The following ITSN2 variants were observed in gnomAD, a reference collection of about 807,000 sequenced individuals.
The protein encoded by ITSN2 is intersectin 2.
A neutral mutation model predicts 243.7 loss-of-function variants in ITSN2; 156 were observed. That is an observed-to-expected ratio of 0.64 (90% CI 0.56 to 0.73). The LOEUF is 0.73. ITSN2 is among the 30% of genes least tolerant of loss of function. The probability of loss-of-function intolerance (pLI) is 0.00; values close to 1 mark genes in which losing one functional copy is unlikely to be tolerated. For synonymous variants in ITSN2, 703 were observed against 699.9 expected (o/e 1.00, Z -0.07); for missense variants, 1,801 against 1,996.1 (o/e 0.90, Z 1.86).
At chr2:24,324,774 A>G (rs974150065) in intron 2 of ITSN2, among the ~76,000 whole-genome samples, 2 of 141,940 alleles carry the variant, frequency 1.4e-5, no homozygotes, top group African/African-American at 5.3e-5. Context: ...GAATTGCTTG[A>G]GCCTGGAGGT....
chr2:24,274,144 C>T (rs1677726169), intron 18 of ITSN2, among the ~76,000 whole-genome samples: 1 of 152,212 alleles, frequency 6.6e-6, no homozygotes, highest in South Asian at 2.1e-4. Flanking sequence ...TGTGGAACCA[C>T]TGCACAGCTC....
chr2:24,234,762 T>C (rs924967438), intron 29 of ITSN2, among the ~76,000 whole-genome samples: 2 of 152,152 alleles, frequency 1.3e-5, no homozygotes, highest in African/African-American at 2.4e-5. Flanking sequence ...TCATACGTTG[T>C]TGGGAAAATG....
chr2:24,222,272 AAAGC>A (rs1295304520), intron 29 of ITSN2, among the ~76,000 whole-genome samples: 6 of 151,544 alleles, frequency 4.0e-5, no homozygotes, highest in Admixed American at 3.3e-4. Flanking sequence ...AAAAAAAAAA[AAAGC>A]AAAAGCAGTG....
rs752415142 is a variant in ITSN2, at chr2:24,204,332, T to C, written c.4849A>G (p.Asn1617Asp). Reference sequence around the variant, plus strand: ...TTAATAAAGAACTGGCAGTTAAAATTCCACTTGGGATTGAGTGTGTCCTGG... The same window carrying C: ...TTAATAAAGAACTGGCAGTTAAAATCCCACTTGGGATTGAGTGTGTCCTGG... ...TIQDTLNPKW[N>D]FNCQFFIKDL... is the part of the protein sequence containing the mutation. The change falls in exon 39 of 40, where the codon AAT becomes GAT. Residue 1617 changes from asparagine to aspartate, a missense_variant. This residue lies in a region of ITSN2 where 928 missense variants were observed against 1,065.4 expected (regional missense o/e 0.87). Transcript: ENST00000355123. This position sits in a 1 kb window ranked among gnomAD's most constrained non-coding sequence, Gnocchi z 5.1. 1.8e-5 allele frequency: 29 copies of C among 1,614,140 alleles called. No homozygotes were observed. The South Asian group carries it at 3.2e-4, about 18-fold the overall frequency.
Position 24,337,350 on chromosome 2 carries a change from ATATG to A in ITSN2, c.-33-9239_-33-9236del, listed in dbSNP as rs1310871964. On this transcript the variant is annotated intron_variant, in intron 1 of 39. Coordinates refer to ENST00000355123, the MANE Select transcript of ITSN2 (RefSeq NM_006277.3). ...TATATATATATATATATATATATAT[ATATG>A]TAATTTTTTTTTTTAAGACAGAGTC... Among the ~76,000 whole-genome samples, 372 of 120,226 alleles carry A rather than the reference ATATG, an allele frequency of 3.1e-3. 3 individuals are homozygous for A. The highest frequency in any genetic ancestry group is 1.0e-2 in the African/African-American group (318 of 31,810). 78.9% of individuals were successfully genotyped at this position (120,226 alleles called of 152,430 possible).
intron 29 of ITSN2, among the ~76,000 whole-genome samples, chr2:24,228,298 TG>T (rs1671239203): frequency 6.6e-6 from 1 of 152,166 alleles, no homozygotes; most frequent in African/African-American, 2.4e-5. Context: ...AGACAAAGTC[TG>T]AGCGCATTTA....
At chr2:24,322,468 T>A (rs144471834) in intron 2 of ITSN2, among the ~76,000 whole-genome samples, 1 of 152,202 alleles carries the variant, frequency 6.6e-6, no homozygotes, top group African/African-American at 2.4e-5. Context: ...TCCAACAACA[T>A]GTGGAGATAA....
intron 29 of ITSN2, among the ~76,000 whole-genome samples, chr2:24,235,580 AG>A (rs1337471747): frequency 6.6e-6 from 1 of 152,168 alleles, no homozygotes; most frequent in Non-Finnish European, 1.5e-5. Flanking sequence ...TGTCGGGGCA[AG>A]GGACATATGG....
rs1373538436 is a variant in ITSN2 at position 24,295,794 on chromosome 2, T to C, written c.1505A>G (p.His502Arg). The C allele has an allele frequency of 3.9e-6, 6 of 1,540,674 alleles. No homozygotes were observed. Among genetic ancestry groups the C allele is most frequent in the Non-Finnish European group, 5.2e-6 (6 of 1,152,322 alleles). The change falls in exon 14 of 40, where the codon CAT becomes CGT. Residue 502 changes from histidine to arginine, a missense_variant. Physicochemically the swap from His to Arg is conservative, Grantham distance 29. Around this residue, in one of 5 missense-constraint regions of ITSN2, gnomAD observed 787 missense variants for 803.9 expected, o/e 0.98. Transcript: ENST00000355123. ...HLELEALNGK[H>R]QQISGRLQDV... ...CTGAAGTCTGCCTGAGATCTGCTGA[T>C]GTTTGCCATTCTATAGGAAGATCAT...
Position 24,203,783 on chromosome 2 carries a change from T to C in ITSN2, c.4937A>G (p.Asp1646Gly), listed in dbSNP as rs1221345441. ...TGGAATTTCAGTACGACCCAGGAAA[T>C]CTGGTGAATAAACACAGGAGAGTCA... is the stretch of plus-strand genomic sequence containing the variant. ...LFDRDQFSPD[D>G]FLGRTEIPVA... Residue 1646 changes from aspartate (D) to glycine (G), a missense_variant and splice_region_variant, in exon 40 of 40, where the codon GAT becomes GGT. Physicochemically the swap from Asp to Gly is moderately conservative, Grantham distance 94 (BLOSUM62 -1). Coordinates refer to ENST00000355123, the MANE Select transcript of ITSN2 (RefSeq NM_006277.3). The C allele has an allele frequency of 6.2e-7, 1 of 1,612,942 alleles. No individual in the cohort carries two copies. Among genetic ancestry groups the C allele is most frequent in the African/African-American group, 1.3e-5 (1 of 74,888 alleles).
intron 1 of ITSN2, among the ~76,000 whole-genome samples, chr2:24,334,035 G>A (rs774719980): frequency 9.9e-5 from 15 of 151,778 alleles, no homozygotes; most frequent in Non-Finnish European, 2.1e-4. Flanking sequence ...GACTACAAGC[G>A]CACGCCACCA....
At chr2:24,267,046 C>T (rs1479267079) in intron 20 of ITSN2, among the ~76,000 whole-genome samples, 1 of 152,122 alleles carries the variant, frequency 6.6e-6, no homozygotes, top group Non-Finnish European at 1.5e-5. Context: ...TTCAATGCTG[C>T]AAAATGCTCA....
intron 15 of ITSN2, among the ~76,000 whole-genome samples, chr2:24,289,274 T>C (rs1304827011): frequency 6.6e-6 from 1 of 152,236 alleles, no homozygotes; most frequent in African/African-American, 2.4e-5. Flanking sequence ...TTTATTTATG[T>C]CTTTTTCAAT....
At chr2:24,263,081 C>T (rs1186860070) in intron 20 of ITSN2, among the ~76,000 whole-genome samples, 1 of 152,186 alleles carries the variant, frequency 6.6e-6, no homozygotes, top group Non-Finnish European at 1.5e-5. Context: ...AGAGTTATTT[C>T]ATACATAACT....
chr2:24,285,640 T>G (rs901433156), intron 16 of ITSN2, among the ~76,000 whole-genome samples: 1 of 152,242 alleles, frequency 6.6e-6, no homozygotes, highest in Admixed American at 6.5e-5. Flanking sequence ...CAATGAATAC[T>G]GTGGTGAATG....
At chr2:24,310,459 A>G (rs750713013) in intron 6 of ITSN2, 30 bp downstream of exon 6, 1 of 1,609,998 alleles carries the variant, frequency 6.2e-7, no homozygotes, top group Middle Eastern at 1.7e-4. Context: ...TTTACATGAA[A>G]TAATGACTCT....
chr2:24,220,283 G>A (rs539331216), intron 30 of ITSN2: 47 of 978,306 alleles, frequency 4.8e-5, no homozygotes, highest in Non-Finnish European at 5.5e-5. Flanking sequence ...CTGAGGGCCT[G>A]TACACTGGGA....
intron 29 of ITSN2, among the ~76,000 whole-genome samples, chr2:24,243,975 G>A (rs1424194180): frequency 6.6e-6 from 1 of 152,156 alleles, no homozygotes; most frequent in Non-Finnish European, 1.5e-5. Context: ...TTTCTGTATT[G>A]CATAAAATTC....
At chr2:24,284,652 A>T in intron 17 of ITSN2, 111 bp downstream of exon 17, 1 of 691,848 alleles carries the variant, frequency 1.4e-6, no homozygotes, top group Non-Finnish European at 2.6e-6. Flanking sequence ...CTTATATTGT[A>T]TATGTTATTT....
Sources: allele counts gnomAD v4.1 joint callset (sites outside exome capture counted in the v4.1 genomes callset), GRCh38; gene constraint gnomAD v4.1.1; regional missense constraint gnomAD v4.1.1; non-coding constraint Gnocchi (gnomAD v3.1); transcripts MANE v1.5; gene names NCBI Gene and HGNC (gene_info 2026-07-23, HGNC 2026-07-21).